GRIK2: variants seen among roughly 807,000 people sequenced by gnomAD.
GRIK2 encodes the protein glutamate ionotropic receptor kainate type subunit 2, also known as glutamate receptor ionotropic, kainate 2.
In GRIK2, 32 loss-of-function variants were observed where a neutral mutation model predicts 100.3. That is an observed-to-expected ratio of 0.32 (90% confidence interval 0.24 to 0.43). The LOEUF (loss-of-function observed/expected upper bound fraction) is 0.43, where lower values mean the gene tolerates loss of function less well. Among genes scored for constraint, GRIK2 ranks in the 20% least tolerant of loss-of-function variants. GRIK2 has a pLI of 1.00. For synonymous variants in GRIK2, 417 were observed against 389.4 expected, an observed-to-expected ratio of 1.07 and a Z score of -0.83; for missense variants, 843 against 1,114.9, an observed-to-expected ratio of 0.76 and a Z score of 3.47.
chr6:101,844,677 T>C (rs536842896), intron 10 of GRIK2, among the ~76,000 whole-genome samples: 1 of 152,326 alleles, frequency 6.6e-6, no homozygotes, highest in East Asian at 1.9e-4. Context: ...GTATGGCACA[T>C]ATAAATAGCC....
chr6:101,891,090 G>T (rs1351705952), intron 12 of GRIK2, among the ~76,000 whole-genome samples: 3 of 150,124 alleles, frequency 2.0e-5, no homozygotes, highest in African/African-American at 7.3e-5. Context: ...ATCAGTAAGG[G>T]TATTTGTAAA....
At chr6:101,628,896 T>TA (rs1780581446) in intron 4 of GRIK2, among the ~76,000 whole-genome samples, 1 of 152,122 alleles carries the variant, frequency 6.6e-6, no homozygotes. Context: ...ACAGACATAT[T>TA]AACTTTATTC....
At chr6:101,554,953 G>A (rs1029544308) in intron 2 of GRIK2, among the ~76,000 whole-genome samples, 9 of 152,014 alleles carry the variant, frequency 5.9e-5, no homozygotes, top group Non-Finnish European at 1.2e-4. Flanking sequence ...TGATCTTACA[G>A]CTACATAGAA....
At chr6:101,822,207 TACAC>T (rs58680927) in intron 10 of GRIK2, among the ~76,000 whole-genome samples, 3,226 of 142,848 alleles carry the variant, frequency 0.023, 38 homozygotes, top group African/African-American at 0.032. Flanking sequence ...TGGAGAGTTT[TACAC>T]ACACACACAC....
rs536564241 is a variant in GRIK2 at position 101,864,274 on chromosome 6, C to A, written c.1524+4781C>A. Reference sequence around the variant, plus strand: ...AGTTTGGGTATATTTGGAGGAGACACAACAGAAGGAAAAACGTAATGACAG... The same window carrying A: ...AGTTTGGGTATATTTGGAGGAGACAAAACAGAAGGAAAAACGTAATGACAG... On this transcript the variant is annotated intron_variant, in intron 11 of 16. Coordinates refer to ENST00000369134, the MANE Select transcript of GRIK2 (RefSeq NM_021956.5). Among the ~76,000 whole-genome samples the A allele has an allele frequency of 3.5e-4, 53 of 152,030 alleles. 2 individuals carry two copies. In the South Asian group the frequency reaches 0.011, roughly 32 times the overall value.
intron 14 of GRIK2, among the ~76,000 whole-genome samples, chr6:101,945,544 G>A (rs931441140): frequency 4.6e-5 from 7 of 151,848 alleles, no homozygotes; most frequent in African/African-American, 1.7e-4. Context: ...CATATCTATC[G>A]CCAACACCTT....
intron 7 of GRIK2, among the ~76,000 whole-genome samples, chr6:101,746,313 T>A (rs1289506277): frequency 6.6e-6 from 1 of 152,138 alleles, no homozygotes; most frequent in African/African-American, 2.4e-5. Context: ...ATTGTTAACA[T>A]CCTGCTACCT....
chr6:101,634,655 G>A lies in GRIK2; in HGVS notation c.541+8018G>A, dbSNP rs867666174. On this transcript the variant is annotated intron_variant, in intron 4 of 16. Coordinates refer to ENST00000369134, the MANE Select transcript of GRIK2 (RefSeq NM_021956.5). ...ATGAGTTAGTAGGTGGGCAGCCATG[G>A]AGATAAATATAGACATGAGAAGAGC... Among the ~76,000 whole-genome samples, 54 of 152,140 alleles carry A rather than the reference G, an allele frequency of 3.5e-4. No homozygotes were observed. The Middle Eastern group carries it at 0.014, about 38-fold the overall frequency.
intron 14 of GRIK2, among the ~76,000 whole-genome samples, chr6:101,967,108 T>A (rs939682371): frequency 5.9e-5 from 9 of 151,804 alleles, no homozygotes; most frequent in African/African-American, 1.9e-4. Context: ...AATATATTTT[T>A]ATAATATTAA....
intron 7 of GRIK2, among the ~76,000 whole-genome samples, chr6:101,762,201 G>T (rs571476061): frequency 6.7e-6 from 1 of 148,722 alleles, no homozygotes; most frequent in African/African-American, 2.5e-5. Context: ...CTCAGACAGG[G>T]TGTCACTCTG....
At chr6:101,864,758 G>A (rs1784947234) in intron 11 of GRIK2, among the ~76,000 whole-genome samples, 1 of 152,096 alleles carries the variant, frequency 6.6e-6, no homozygotes, top group Admixed American at 6.6e-5. Context: ...CAGGATTACT[G>A]TTGAACCATG....
At chr6:101,400,239 T>A (rs943333320) in intron 2 of GRIK2, among the ~76,000 whole-genome samples, 1 of 152,172 alleles carries the variant, frequency 6.6e-6, no homozygotes, top group African/African-American at 2.4e-5. Context: ...TTTATGGAAA[T>A]GTATTGCTTT....
chr6:101,592,992 A>G (rs1223796930), intron 2 of GRIK2, among the ~76,000 whole-genome samples: 1 of 151,902 alleles, frequency 6.6e-6, no homozygotes, highest in Non-Finnish European at 1.5e-5. Flanking sequence ...GATATAGGCA[A>G]TTGTTGCTGC....
At chr6:101,488,538 AATTGTT>A (rs1309734717) in intron 2 of GRIK2, among the ~76,000 whole-genome samples, 1 of 146,528 alleles carries the variant, frequency 6.8e-6, no homozygotes, top group Non-Finnish European at 1.5e-5. Flanking sequence ...CACTTTTGGG[AATTGTT>A]CCAGTTAATA....
intron 4 of GRIK2, among the ~76,000 whole-genome samples, chr6:101,671,517 G>T (rs1770431810): frequency 6.6e-6 from 1 of 152,036 alleles, no homozygotes; most frequent in Admixed American, 6.6e-5. Context: ...AACATCACAT[G>T]TCCTGTAACG....
chr6:101,490,897 A>C (rs1235126820), intron 2 of GRIK2, among the ~76,000 whole-genome samples: 1 of 146,308 alleles, frequency 6.8e-6, no homozygotes, highest in Non-Finnish European at 1.5e-5. Context: ...GTAATAAGGC[A>C]AACTGGATGA....
chr6:101,497,173 G>A (rs1341204909), intron 2 of GRIK2, among the ~76,000 whole-genome samples: 1 of 151,186 alleles, frequency 6.6e-6, no homozygotes, highest in Non-Finnish European at 1.5e-5. Context: ...ACCCCATCTA[G>A]TTTTTTTTTC....
At chr6:101,627,113 G>GTC (rs748063543) in intron 4 of GRIK2, among the ~76,000 whole-genome samples, 3 of 129,288 alleles carry the variant, frequency 2.3e-5, no homozygotes, top group East Asian at 2.3e-4. Flanking sequence ...GCGTGTGTGT[G>GTC]TCTCTGTGTG....
intron 2 of GRIK2, among the ~76,000 whole-genome samples, chr6:101,613,368 T>C (rs1258100449): frequency 6.6e-6 from 1 of 151,774 alleles, no homozygotes; most frequent in Non-Finnish European, 1.5e-5. Flanking sequence ...AAACTGAATA[T>C]GACCTAAAGG....
Sources: gnomAD v4.1 joint callset for allele counts (sites outside exome capture counted in the v4.1 genomes callset) on GRCh38, gnomAD v4.1.1 for gene constraint, MANE v1.5 for transcripts, NCBI Gene and HGNC (gene_info 2026-07-23, HGNC 2026-07-21) for gene names.